Variants in LARGE1 observed in about 807,000 individuals in gnomAD.
LARGE1 encodes xylosyl- and glucuronyltransferase LARGE1.
A neutral mutation model predicts 87.6 loss-of-function variants in LARGE1; 43 were observed. The ratio of observed to expected loss-of-function variants is 0.49; its 90% CI spans 0.38 to 0.63. LARGE1 has a LOEUF of 0.63. Among genes scored for constraint, LARGE1 ranks in the 30% least tolerant of loss-of-function variants. The pLI is 0.00. For synonymous variants in LARGE1, 434 were observed against 394.6 expected (o/e 1.10, Z -1.18); for missense variants, 802 against 1,000.2 (o/e 0.80, Z 2.67).
At chr22:33,726,584 C>G (rs2083278942) in intron 2 of LARGE1, among the ~76,000 whole-genome samples, 1 of 152,244 alleles carries the variant, frequency 6.6e-6, no homozygotes, top group Non-Finnish European at 1.5e-5. Flanking sequence ...TCCTCCCCTC[C>G]TCCTTTCCTT....
At chr22:33,384,461 A>AAGATGGAGACGGAGGATGCGGTGAGC (rs1555908164) in intron 7 of LARGE1, among the ~76,000 whole-genome samples, 157 bp from the exon 8 acceptor site, 8 of 150,140 alleles carry the variant, frequency 5.3e-5, no homozygotes, top group South Asian at 4.5e-4. Context: ...CCCTCTAAAA[A>AAGATGGAGACGGAGGATGCGGTGAGC]TTCTTCCAAT....
intron 1 of LARGE1, among the ~76,000 whole-genome samples, chr22:33,918,559 G>T (rs1188487423): frequency 6.6e-6 from 1 of 152,210 alleles, no homozygotes; most frequent in Non-Finnish European, 1.5e-5. Context: ...CTTAAAGCTG[G>T]CGTTTTTATT....
At chr22:33,900,874 C>T (rs2065264369) in intron 1 of LARGE1, among the ~76,000 whole-genome samples, 1 of 152,140 alleles carries the variant, frequency 6.6e-6, no homozygotes, top group East Asian at 1.9e-4. Context: ...TGGCGAAACC[C>T]CGTCTCTACT....
chr22:33,087,490 T>G, the LARGE1 span, among the ~76,000 whole-genome samples: 2 of 152,210 alleles, frequency 1.3e-5, no homozygotes, highest in African/African-American at 4.8e-5. Context: ...AAGCAACATG[T>G]GTACCCAAAA....
At chr22:33,418,680 G>C (rs1203638575) in intron 7 of LARGE1, among the ~76,000 whole-genome samples, 1 of 152,168 alleles carries the variant, frequency 6.6e-6, no homozygotes, top group African/African-American at 2.4e-5. Context: ...ATGTGCCTGG[G>C]CAACAGCCAG....
intron 4 of LARGE1, among the ~76,000 whole-genome samples, chr22:33,609,588 C>G (rs1164350019): frequency 6.6e-6 from 1 of 152,138 alleles, no homozygotes; most frequent in Non-Finnish European, 1.5e-5. Flanking sequence ...TGGGGTTGAA[C>G]TGTATGGGTC....
rs547494241 is a variant in LARGE1 at position 33,591,009 on chromosome 22, G to A, written c.615+13426C>T. ...CGAGGTCAGGAGTTTGAGATCAGCCGGGCCAATATGGCAAAACCCCGTCTC... is the reference window on the plus strand; with the variant it reads ...CGAGGTCAGGAGTTTGAGATCAGCCAGGCCAATATGGCAAAACCCCGTCTC... On this transcript the variant is annotated intron_variant, in intron 5 of 14. Coordinates refer to ENST00000397394, the MANE Select transcript of LARGE1 (RefSeq NM_133642.5). 1.4e-4 allele frequency among the ~76,000 whole-genome samples: 22 copies of A among 152,098 alleles called. No homozygotes were observed. In the South Asian group the frequency reaches 3.9e-3, roughly 27 times the overall value.
intron 1 of LARGE1, among the ~76,000 whole-genome samples, chr22:33,774,030 G>A (rs1042826927): frequency 1.5e-5 from 2 of 132,508 alleles, no homozygotes; most frequent in African/African-American, 2.8e-5. Flanking sequence ...GGAAAAGGAA[G>A]AACTATTGAA....
At chr22:33,446,235 GC>G (rs1244949283) in intron 6 of LARGE1, among the ~76,000 whole-genome samples, 1 of 152,194 alleles carries the variant, frequency 6.6e-6, no homozygotes, top group Non-Finnish European at 1.5e-5. Context: ...AGGTATGGGG[GC>G]TCCACGCCCT....
intron 12 of LARGE1, among the ~76,000 whole-genome samples, chr22:33,299,165 A>G (rs1218566281): frequency 2.6e-5 from 4 of 152,104 alleles, no homozygotes; most frequent in Non-Finnish European, 5.9e-5. Context: ...GTGAGCCATG[A>G]TTGCACCATT....
At chr22:33,122,891 T>C in the LARGE1 span, among the ~76,000 whole-genome samples, 1 of 152,106 alleles carries the variant, frequency 6.6e-6, no homozygotes, top group African/African-American at 2.4e-5. Context: ...CAGGTTTGAT[T>C]TGAGGGGCTG....
Position 33,360,502 on chromosome 22 carries a change from GA to G in LARGE1, c.1131+21416del, listed in dbSNP as rs767561582. Among the ~76,000 whole-genome samples the G allele has an allele frequency of 2.7e-5, 4 of 149,334 alleles. 1 individual carries two copies. Among genetic ancestry groups the G allele is most frequent in the Non-Finnish European group, 6.0e-5 (4 of 67,018 alleles). ...TCTTATGTGGGCCAGAGCAGCAAGAGAAAGAGGGAGGAGATGCTATACACTT... is the reference window on the plus strand; with the variant it reads ...TCTTATGTGGGCCAGAGCAGCAAGAGAAGAGGGAGGAGATGCTATACACTT... On this transcript the variant is annotated intron_variant, in intron 9 of 14. Transcript: ENST00000397394.
rs2085472162 is a variant in LARGE1, at chr22:33,782,916, G to A, written c.-82-21358C>T. Among the ~76,000 whole-genome samples, 3 of 149,798 alleles carry A rather than the reference G, an allele frequency of 2.0e-5. No individual in the cohort carries two copies. The South Asian group carries it at 6.4e-4, about 32-fold the overall frequency. On this transcript the variant is annotated intron_variant, in intron 1 of 14. Coordinates refer to ENST00000397394, the MANE Select transcript of LARGE1 (RefSeq NM_133642.5). Reference sequence around the variant, plus strand: ...AAAAAAAAAGAGAGAGAGAGAGGGAGTGTTCCACTTCCACTCATCACACCC... The same window carrying A: ...AAAAAAAAAGAGAGAGAGAGAGGGAATGTTCCACTTCCACTCATCACACCC...
At chr22:33,873,843 A>T (rs2064380306) in intron 1 of LARGE1, among the ~76,000 whole-genome samples, 1 of 151,708 alleles carries the variant, frequency 6.6e-6, no homozygotes, top group East Asian at 1.9e-4. Context: ...TGTCACAAGA[A>T]GCCAAGTACA....
At chr22:33,761,229 T>C (rs894259010) in intron 2 of LARGE1, 142 bp downstream of exon 2, 5 of 796,698 alleles carry the variant, frequency 6.3e-6, no homozygotes, top group Middle Eastern at 2.3e-4. Flanking sequence ...GCCAACTACC[T>C]GTGTGATTCT....
At chr22:33,458,671 G>A (rs1364577087) in intron 6 of LARGE1, among the ~76,000 whole-genome samples, 1 of 151,628 alleles carries the variant, frequency 6.6e-6, no homozygotes, top group Non-Finnish European at 1.5e-5. Flanking sequence ...CGGGTGATCC[G>A]CCCACCTAGG....
At chr22:33,418,531 C>T (rs1050170052) in intron 7 of LARGE1, among the ~76,000 whole-genome samples, 5 of 152,120 alleles carry the variant, frequency 3.3e-5, no homozygotes, top group Admixed American at 6.5e-5. Flanking sequence ...TGGAGACTGC[C>T]GCTTTGAATA....
intron 10 of LARGE1, among the ~76,000 whole-genome samples, chr22:33,332,179 A>C (rs2146497729): frequency 6.6e-6 from 1 of 152,090 alleles, no homozygotes; most frequent in Non-Finnish European, 1.5e-5. Context: ...TAGCTCCCAT[A>C]ATTGCTACAT....
At chr22:33,626,987 T>C (rs934905757) in intron 3 of LARGE1, among the ~76,000 whole-genome samples, 5 of 152,174 alleles carry the variant, frequency 3.3e-5, no homozygotes, top group Admixed American at 6.5e-5. Context: ...TCATGACATG[T>C]GTCTTGCAGG....
Sources: gnomAD v4.1 joint callset for allele counts (sites outside exome capture counted in the v4.1 genomes callset) on GRCh38, gnomAD v4.1.1 for gene constraint, MANE v1.5 for transcripts, NCBI Gene and HGNC (gene_info 2026-07-23, HGNC 2026-07-21) for gene names.